Variants in RAB31 observed in about 807,000 individuals in gnomAD.
RAB31 encodes ras-related protein Rab-31.
In RAB31, 21 loss-of-function variants were observed where a neutral mutation model predicts 25.6. The observed-to-expected ratio is 0.82, with a 90% confidence interval of 0.58 to 1.18. The LOEUF (loss-of-function observed/expected upper bound fraction) is 1.18. Ranked by LOEUF, RAB31 falls within the 50% of genes most tolerant of loss-of-function variation. The pLI is 0.00. For synonymous variants in RAB31, 87 were observed against 84.0 expected (o/e 1.04, Z -0.20); for missense variants, 196 against 250.1 (o/e 0.78, Z 1.46).
intron 1 of RAB31, among the ~76,000 whole-genome samples, chr18:9,726,356 G>T (rs974339095): frequency 2.0e-5 from 3 of 152,330 alleles, no homozygotes; most frequent in African/African-American, 7.2e-5. Context: ...TGCTGTCAGG[G>T]TGGCACAGTG....
At chr18:9,817,205 A>G (rs2068603404) in intron 5 of RAB31, among the ~76,000 whole-genome samples, 1 of 152,138 alleles carries the variant, frequency 6.6e-6, no homozygotes, top group East Asian at 1.9e-4. Context: ...AGAAGGTGCT[A>G]TCTCTAAATC....
Position 9,845,552 on chromosome 18 carries a change from T to C in RAB31, c.381-30T>C, listed in dbSNP as rs772935399. On this transcript the variant is annotated intron_variant, in intron 5 of 6. Transcript: ENST00000578921. ...TTTGTATTTTACAAACAAACATTCA[T>C]TTCCTGTCTACATTTGACCTCTTTT... The C allele has an allele frequency of 1.0e-5, 15 of 1,499,070 alleles. No individual in the cohort carries two copies. The South Asian group carries it at 2.0e-4, about 20-fold the overall frequency. 92.9% of individuals were successfully genotyped at this position (1,499,070 alleles called of 1,614,324 possible).
At chr18:9,798,512 A>T (rs1568181822) in intron 3 of RAB31, among the ~76,000 whole-genome samples, 2 of 152,336 alleles carry the variant, frequency 1.3e-5, no homozygotes, top group East Asian at 3.9e-4. Flanking sequence ...CTTTATCATC[A>T]TAGAAATGTT....
At chr18:9,846,332 A>G (rs1568195219) in intron 6 of RAB31, among the ~76,000 whole-genome samples, 1 of 152,172 alleles carries the variant, frequency 6.6e-6, no homozygotes, top group Non-Finnish European at 1.5e-5. Flanking sequence ...CAACACATCT[A>G]TCTGCAGCTG....
At chr18:9,845,426 T>C (rs2068756234) in intron 5 of RAB31, among the ~76,000 whole-genome samples, 156 bp from the exon 6 acceptor site, 1 of 152,228 alleles carries the variant, frequency 6.6e-6, no homozygotes, top group Non-Finnish European at 1.5e-5. Flanking sequence ...TTAAAAAGTC[T>C]CACTCATACT....
intron 5 of RAB31, among the ~76,000 whole-genome samples, chr18:9,831,196 T>C (rs1012562032): frequency 6.6e-6 from 1 of 152,216 alleles, no homozygotes; most frequent in Non-Finnish European, 1.5e-5. Flanking sequence ...GGTGTGGACA[T>C]GTTATGGTCT....
chr18:9,814,768 A>G (rs1419640951), intron 4 of RAB31: 1 of 180,532 alleles, frequency 5.5e-6, no homozygotes, highest in Admixed American at 5.7e-5. Flanking sequence ...GACTCTAAAT[A>G]TATATGTTTC....
intron 1 of RAB31, among the ~76,000 whole-genome samples, chr18:9,738,186 G>A (rs780894667): frequency 6.6e-6 from 1 of 152,202 alleles, no homozygotes; most frequent in African/African-American, 2.4e-5. Context: ...AGCTAACTGT[G>A]GGGTGGGTGG....
intron 1 of RAB31, among the ~76,000 whole-genome samples, chr18:9,740,810 G>A (rs1016353559): frequency 2.6e-5 from 4 of 152,180 alleles, no homozygotes; most frequent in African/African-American, 7.2e-5. Context: ...CTAGAATAAA[G>A]GGGGTAAACA....
chr18:9,741,939 G>A (rs556708376), intron 1 of RAB31, among the ~76,000 whole-genome samples: 1 of 152,362 alleles, frequency 6.6e-6, no homozygotes, highest in East Asian at 1.9e-4. Flanking sequence ...GGAAATGTGA[G>A]TCAGTGGCTT....
At chr18:9,802,720 C>T (rs1315473266) in intron 3 of RAB31, among the ~76,000 whole-genome samples, 1 of 152,220 alleles carries the variant, frequency 6.6e-6, no homozygotes, top group African/African-American at 2.4e-5. Flanking sequence ...GTTTGGAGAT[C>T]ATGTGCCCAG....
At chr18:9,770,927 C>T (rs865945666) in intron 1 of RAB31, among the ~76,000 whole-genome samples, 1 of 148,256 alleles carries the variant, frequency 6.7e-6, no homozygotes, top group South Asian at 2.1e-4. Context: ...CTTTGGGAGG[C>T]TGAGGCCGGA....
chr18:9,843,541 G>A (rs2068744915), intron 5 of RAB31, among the ~76,000 whole-genome samples: 2 of 29,998 alleles, frequency 6.7e-5, no homozygotes, highest in South Asian at 3.5e-3. Context: ...GCAAGACACT[G>A]TCAAAAAAAA....
At chr18:9,822,807 C>A (rs115928013) in intron 5 of RAB31, among the ~76,000 whole-genome samples, 2,455 of 152,248 alleles carry the variant, frequency 0.016, 68 homozygotes, top group African/African-American at 0.056. Context: ...CCATACGTTG[C>A]CGGTGTGAAT....
intron 1 of RAB31, among the ~76,000 whole-genome samples, chr18:9,735,156 T>C (rs1301244561): frequency 6.6e-6 from 1 of 152,170 alleles, no homozygotes; most frequent in East Asian, 1.9e-4. Flanking sequence ...TAGCTGGGAT[T>C]ATAGGCGCCT....
chr18:9,845,883 A>G (rs1294037817), intron 6 of RAB31, among the ~76,000 whole-genome samples, 192 bp downstream of exon 6: 1 of 152,180 alleles, frequency 6.6e-6, no homozygotes, highest in Non-Finnish European at 1.5e-5. Context: ...GATTTCCATG[A>G]TTCTGTACTG....
At chr18:9,838,355 C>T (rs1245165113) in intron 5 of RAB31, among the ~76,000 whole-genome samples, 3 of 152,166 alleles carry the variant, frequency 2.0e-5, no homozygotes, top group South Asian at 2.1e-4. Flanking sequence ...ATAGTCAAGA[C>T]GCCTGAGTGT....
chr18:9,820,675 A>C (rs754447817), intron 5 of RAB31, among the ~76,000 whole-genome samples: 1 of 151,986 alleles, frequency 6.6e-6, no homozygotes, highest in East Asian at 1.9e-4. Context: ...ATTATCTCAT[A>C]ATCTTTTTTT....
At chr18:9,798,785 A>AT (rs1555688748) in intron 3 of RAB31, among the ~76,000 whole-genome samples, 4 of 39,658 alleles carry the variant, frequency 1.0e-4, no homozygotes, top group Non-Finnish European at 1.7e-4. Flanking sequence ...TGCGCAGCTA[A>AT]TTTAAAAAAA....
Sources: allele counts gnomAD v4.1 joint callset (sites outside exome capture counted in the v4.1 genomes callset), GRCh38; gene constraint gnomAD v4.1.1; transcripts MANE v1.5; gene names NCBI Gene and HGNC (gene_info 2026-07-23, HGNC 2026-07-21).